Variants in ING5 observed in about 807,000 individuals in gnomAD.
ING5 encodes the protein inhibitor of growth protein 5.
A neutral mutation model predicts 37.4 loss-of-function variants in ING5; 17 were observed. That is an observed-to-expected ratio of 0.45 (90% CI 0.31 to 0.68). The LOEUF (loss-of-function observed/expected upper bound fraction) is 0.68, where lower values mean the gene tolerates loss of function less well. Among genes scored for constraint, ING5 ranks in the 30% least tolerant of loss-of-function variants. The probability of loss-of-function intolerance (pLI) is 0.05; values close to 1 mark genes in which losing one functional copy is unlikely to be tolerated. For missense variants in ING5, 233 were observed against 311.9 expected, an observed-to-expected ratio of 0.75 and a Z score of 1.91; for synonymous variants, 123 against 116.6, an observed-to-expected ratio of 1.06 and a Z score of -0.36.
intron 5 of ING5, chr2:241,712,469 T>C (rs2070140727): frequency 5.9e-6 from 1 of 169,536 alleles, no homozygotes; most frequent in African/African-American, 2.4e-5. Context: ...TATCTGTCAG[T>C]TATTTTATGT....
In ING5 at chr2:241,723,206, G is replaced by T. The variant is rs7581318; in HGVS notation, c.619-4G>T. ...TGACTGCGGTTTCTCCCTTTACTTT[G>T]CAGTGTCCAATTGAGTGGTTTCACT... On this transcript the variant is annotated splice_region_variant and splice_polypyrimidine_tract_variant and intron_variant, in intron 6 of 7. Coordinates refer to ENST00000313552, the MANE Select transcript of ING5 (RefSeq NM_032329.6). 0.031 allele frequency: 50,690 copies of T among 1,614,090 alleles called. 3,528 individuals carry two copies. The highest frequency in any genetic ancestry group is 0.27 in the African/African-American group (20,378 of 75,000).
chr2:241,701,594 G>A (rs887668542), upstream of ING5, among the ~76,000 whole-genome samples: 1 of 152,146 alleles, frequency 6.6e-6, no homozygotes, highest in African/African-American at 2.4e-5. Context: ...AAGGCGCTGA[G>A]CCAGACAGGT....
At position 241,728,230 on chromosome 2, in the gene ING5, G is replaced by T. The variant is rs953538567; in HGVS notation, c.*3199G>T. ...CCTGGCCTGGCCCCCGCCCTGCAGGGACACAGAAGCCACACCATTTGCACC... is the reference window on the plus strand; with the variant it reads ...CCTGGCCTGGCCCCCGCCCTGCAGGTACACAGAAGCCACACCATTTGCACC... On this transcript the variant is annotated 3_prime_UTR_variant, in exon 8 of 8. Coordinates refer to ENST00000313552, the MANE Select transcript of ING5 (RefSeq NM_032329.6). 6.6e-6 allele frequency: 1 copy of T among 152,568 alleles called. No individual in the cohort carries two copies. The highest frequency in any genetic ancestry group is 2.4e-5 in the African/African-American group (1 of 41,470). 9.5% of individuals were successfully genotyped at this position (152,568 alleles called of 1,614,324 possible).
rs141777215 is a variant in ING5, at chr2:241,725,362, G to A, written c.*331G>A. On this transcript the variant is annotated 3_prime_UTR_variant, in exon 8 of 8. Coordinates refer to ENST00000313552, the MANE Select transcript of ING5 (RefSeq NM_032329.6). ...GCGGGGACATGGTAACCTGGTCCAC[G>A]GAGGGCGGCCGCCACCCTCGCGTAG... 12,351 of 334,720 alleles carry A rather than the reference G, an allele frequency of 0.037. 302 individuals are homozygous for A. The highest frequency in any genetic ancestry group is 0.072 in the Middle Eastern group (74 of 1,030). The allele number at this position is 334,720 out of a possible 1,614,324, so 20.7% of individuals were successfully genotyped here. A position where few individuals can be genotyped will look rare whatever the true frequency, so the allele number is the denominator to read the frequency against.
chr2:241,709,834 T>C (rs2070051143), intron 3 of ING5, among the ~76,000 whole-genome samples: 1 of 152,086 alleles, frequency 6.6e-6, no homozygotes. Context: ...CTCGAACTCC[T>C]GACTTCAAGT....
intron 2 of ING5, among the ~76,000 whole-genome samples, chr2:241,705,989 G>A (rs1419875640): frequency 6.6e-6 from 1 of 152,174 alleles, no homozygotes; most frequent in Non-Finnish European, 1.5e-5. Flanking sequence ...GAATAACTTT[G>A]TGTATTTCTT....
Position 241,727,191 on chromosome 2 carries a change from C to T in ING5, c.*2160C>T, listed in dbSNP as rs1691653541. 6.6e-6 allele frequency: 1 copy of T among 152,268 alleles called. No homozygotes were observed. The highest frequency in any genetic ancestry group is 2.4e-5 in the African/African-American group (1 of 41,466). The allele number at this position is 152,268 out of a possible 1,614,324, so 9.4% of individuals were successfully genotyped here. ...GGGTCAAATGATCCGCCTGCGTCGG[C>T]TTCCCAGAGTGCTGGGATTACAGGT... is the stretch of plus-strand genomic sequence containing the variant. On this transcript the variant is annotated 3_prime_UTR_variant, in exon 8 of 8. Transcript: ENST00000313552.
intron 5 of ING5, chr2:241,719,693 C>T: frequency 6.6e-7 from 1 of 1,519,810 alleles, no homozygotes; most frequent in Non-Finnish European, 8.8e-7. Context: ...GGGGTCGGGG[C>T]TTCCTCCCTG....
At chr2:241,707,178 C>G (rs1434455287) in intron 2 of ING5, among the ~76,000 whole-genome samples, 1 of 151,774 alleles carries the variant, frequency 6.6e-6, no homozygotes, top group African/African-American at 2.4e-5. Context: ...AGGTTGGTCT[C>G]AAACTCTCAA....
chr2:241,720,296 C>T (rs2070398488), intron 5 of ING5: 1 of 1,226,352 alleles, frequency 8.2e-7, no homozygotes, highest in East Asian at 3.2e-5. Flanking sequence ...CCCTCGTGGT[C>T]ACGCTGTGGT....
intron 1 of ING5, among the ~76,000 whole-genome samples, chr2:241,702,434 G>A (rs921797713): frequency 6.6e-5 from 10 of 150,524 alleles, no homozygotes; most frequent in African/African-American, 2.4e-4. Flanking sequence ...CCTCATCTCC[G>A]CCCCCAGCTC....
chr2:241,693,657 T>TTTC (rs1451504517), intron 2 of ING5, among the ~76,000 whole-genome samples: 1 of 136,216 alleles, frequency 7.3e-6, no homozygotes, highest in Non-Finnish European at 1.6e-5. Context: ...CAACTCTTTT[T>TTTC]TTTTTTTTTT....
At chr2:241,696,664 G>C (rs1169306989) in intron 2 of ING5, among the ~76,000 whole-genome samples, 3 of 152,026 alleles carry the variant, frequency 2.0e-5, no homozygotes, top group African/African-American at 7.2e-5. Context: ...GTGTGTGCTT[G>C]TAGTCCCAGA....
intron 1 of ING5, among the ~76,000 whole-genome samples, chr2:241,704,411 T>C (rs1340137522): frequency 2.6e-5 from 4 of 152,012 alleles, no homozygotes; most frequent in Non-Finnish European, 5.9e-5. Flanking sequence ...CAACTAAAAA[T>C]ACAAAAACTA....
In ING5 at chr2:241,727,569, C is replaced by T. The variant is rs1280497132; in HGVS notation, c.*2538C>T. On this transcript the variant is annotated 3_prime_UTR_variant, in exon 8 of 8. Coordinates refer to ENST00000313552, the MANE Select transcript of ING5 (RefSeq NM_032329.6). ...ACCTGAAGTGATCCACCCGCCTCGA[C>T]CTCCCAAAGTGCTGGGATGACAGGC... The T allele has an allele frequency of 6.6e-6, 1 of 152,222 alleles. No homozygotes were observed. Among genetic ancestry groups the T allele is most frequent in the African/African-American group, 2.4e-5 (1 of 41,452 alleles). The allele number at this position is 152,222 out of a possible 1,614,324, so 9.4% of individuals were successfully genotyped here.
At position 241,726,400 on chromosome 2, in the gene ING5, G is replaced by C. The variant is rs1211739381; in HGVS notation, c.*1369G>C. On this transcript the variant is annotated 3_prime_UTR_variant, in exon 8 of 8. Transcript: ENST00000313552. ...CTAGGGAGAGGAAATAAAGCAGAAGGAACGTGTGAAGCTCTGTGTCTCAGA... is the reference window on the plus strand; with the variant it reads ...CTAGGGAGAGGAAATAAAGCAGAAGCAACGTGTGAAGCTCTGTGTCTCAGA... 1 of 152,250 alleles carries C rather than the reference G, an allele frequency of 6.6e-6. No individual in the cohort carries two copies. The highest frequency in any genetic ancestry group is 2.4e-5 in the African/African-American group (1 of 41,466). 9.4% of individuals were successfully genotyped at this position (152,250 alleles called of 1,614,324 possible).
At chr2:241,715,286 C>T (rs535340773) in intron 5 of ING5, among the ~76,000 whole-genome samples, 1 of 152,116 alleles carries the variant, frequency 6.6e-6, no homozygotes, top group East Asian at 1.9e-4. Context: ...CCTCCACCTC[C>T]TGGGCTCAAG....
chr2:241,723,825 C>G (rs1691494384), intron 7 of ING5: 2 of 1,587,374 alleles, frequency 1.3e-6, no homozygotes, highest in African/African-American at 2.7e-5. Flanking sequence ...GTCTGGGCAA[C>G]ATCGGGAGAC....
At chr2:241,696,514 G>A (rs1473209302) in intron 2 of ING5, among the ~76,000 whole-genome samples, 1 of 152,180 alleles carries the variant, frequency 6.6e-6, no homozygotes, top group South Asian at 2.1e-4. Flanking sequence ...TGCTGGGTGC[G>A]GTGGCTCATG....
Sources: allele counts gnomAD v4.1 joint callset (sites outside exome capture counted in the v4.1 genomes callset), GRCh38; gene constraint gnomAD v4.1.1; transcripts MANE v1.5; gene names NCBI Gene and HGNC (gene_info 2026-07-23, HGNC 2026-07-21).